Variants in COL2A1 observed in about 807,000 individuals in gnomAD.
COL2A1 encodes collagen type II alpha 1 chain.
Under a neutral mutation model 204.5 loss-of-function variants are expected in COL2A1, and 28 were observed. That is an observed-to-expected ratio of 0.14 (90% confidence interval 0.10 to 0.19). The LOEUF (loss-of-function observed/expected upper bound fraction) is 0.19, where lower values mean the gene tolerates loss of function less well. COL2A1 is among the 10% of genes least tolerant of loss of function. The pLI is 1.00. For missense variants in COL2A1, 1,388 were observed against 2,027.5 expected (o/e 0.68, Z 6.06); for synonymous variants, 708 against 718.7 (o/e 0.99, Z 0.24).
Position 47,977,580 on chromosome 12 carries a change from C to A in COL2A1, c.3165+20G>T, listed in dbSNP as rs901151450. 1.2e-6 allele frequency: 2 copies of A among 1,614,046 alleles called. No homozygotes were observed. The highest frequency in any genetic ancestry group is 1.7e-6 in the Non-Finnish European group (2 of 1,179,990). ...AATGTCCTCCCCAACCCACTGCACACACAGACACCAGACACTCACCTTGAC... is the reference window on the plus strand; with the variant it reads ...AATGTCCTCCCCAACCCACTGCACAAACAGACACCAGACACTCACCTTGAC... On this transcript the variant is annotated intron_variant, in intron 45 of 53. Transcript: ENST00000380518.
In COL2A1 at chr12:47,976,932, C is replaced by A. The variant is rs373278655; in HGVS notation, c.3328-13G>T. ...GGCCTTGAGGACCCTGGGAACAAGACAGACACCGATTGAGTCAGGTCAGGG... is the reference window on the plus strand; with the variant it reads ...GGCCTTGAGGACCCTGGGAACAAGAAAGACACCGATTGAGTCAGGTCAGGG... On this transcript the variant is annotated splice_polypyrimidine_tract_variant and intron_variant, in intron 47 of 53. Coordinates refer to ENST00000380518, the MANE Select transcript of COL2A1 (RefSeq NM_001844.5). This position sits in a 1 kb window ranked among gnomAD's most constrained non-coding sequence, Gnocchi z 4.3. The A allele has an allele frequency of 4.4e-6, 7 of 1,593,724 alleles. No homozygotes were observed. The highest frequency in any genetic ancestry group is 5.1e-6 in the Non-Finnish European group (6 of 1,168,444).
At position 47,994,017 on chromosome 12, in the gene COL2A1, G is replaced by A; in HGVS notation, c.847C>T (p.Leu283Phe). The change falls in exon 13 of 54, where the codon CTT (leucine) becomes TTT (phenylalanine). Residue 283 changes from leucine (L) to phenylalanine (F), a missense_variant. Coordinates refer to ENST00000380518, the MANE Select transcript of COL2A1 (RefSeq NM_001844.5). Reference sequence around the variant, plus strand: ...ACTCTGTGACCTTTGACACCAGGAAGGCCTGGGGTTCCTGGGAAACCACGA... The same window carrying A: ...ACTCTGTGACCTTTGACACCAGGAAAGCCTGGGGTTCCTGGGAAACCACGA... ...GARGFPGTPG[L>F]PGVKGHRGYP... 1.9e-6 allele frequency: 3 copies of A among 1,614,130 alleles called. No homozygotes were observed. Among genetic ancestry groups the A allele is most frequent in the Non-Finnish European group, 1.7e-6 (2 of 1,180,020 alleles).
At position 47,975,901 on chromosome 12, in the gene COL2A1, G is replaced by A. The variant is rs73297147; in HGVS notation, c.3597+62C>T. On this transcript the variant is annotated intron_variant, in intron 50 of 53. Transcript: ENST00000380518. Reference sequence around the variant, plus strand: ...CCTAAAAGAGGCCCTGAGCAAAAAAGAGCTCAAGCCTCCCGGATGGTAGGG... The same window carrying A: ...CCTAAAAGAGGCCCTGAGCAAAAAAAAGCTCAAGCCTCCCGGATGGTAGGG... The A allele has an allele frequency of 5.0e-3, 6,507 of 1,296,838 alleles. 272 individuals are homozygous for A. In the African/African-American group the frequency reaches 0.081, roughly 16 times the overall value. The allele number at this position is 1,296,838 out of a possible 1,614,324, so 80.3% of individuals were successfully genotyped here. A position where few individuals can be genotyped will look rare whatever the true frequency, so the allele number is the denominator to read the frequency against.
At position 47,978,606 on chromosome 12, in the gene COL2A1, G is replaced by T. The variant is rs150951022; in HGVS notation, c.2886C>A (p.Asp962Glu). The T allele has an allele frequency of 6.2e-7, 1 of 1,613,358 alleles. No individual in the cohort carries two copies. The highest frequency in any genetic ancestry group is 8.5e-7 in the Non-Finnish European group (1 of 1,179,950). The change falls in exon 42 of 54, where the codon GAC becomes GAA. Residue 962 changes from aspartate (D) to glutamate (E), a missense_variant. Around this residue, in one of 3 missense-constraint regions of COL2A1, gnomAD observed 884 missense variants for 1,415.8 expected, o/e 0.62. Transcript: ENST00000380518. This position sits in a 1 kb window ranked among gnomAD's most constrained non-coding sequence, Gnocchi z 5.5. ...CTGGTGAGGGACTTACAGAGGGACCGTCATCTCCAGGCTCTCCCTTCTCGC... is the reference window on the plus strand; with the variant it reads ...CTGGTGAGGGACTTACAGAGGGACCTTCATCTCCAGGCTCTCCCTTCTCGC... ...PPGEKGEPGD[D>E]GPSGAEGPPG...
chr12:47,982,688 G>A (rs1939163912), intron 33 of COL2A1, 79 bp from the exon 34 acceptor site: 1 of 1,314,676 alleles, frequency 7.6e-7, no homozygotes, highest in Non-Finnish European at 1.1e-6. Context: ...TGGGTAACCA[G>A]GGCCCCAAAC....
chr12:47,979,888 TG>T, intron 40 of COL2A1, 120 bp downstream of exon 40: 1 of 926,486 alleles, frequency 1.1e-6, no homozygotes, highest in Non-Finnish European at 1.6e-6. Flanking sequence ...GGGCTTAGGC[TG>T]GGGACCAACG....
At chr12:47,983,623 G>A (rs1193574631) in intron 30 of COL2A1, 60 bp downstream of exon 30, 24 of 1,539,918 alleles carry the variant, frequency 1.6e-5, no homozygotes, top group Non-Finnish European at 2.0e-5. Flanking sequence ...GCCTGCTGCT[G>A]TCCCAGGGAG....
chr12:47,973,128 G>C lies in COL2A1; in HGVS notation c.*279C>G, dbSNP rs572459859. 1 of 610,212 alleles carries C rather than the reference G, an allele frequency of 1.6e-6. No homozygotes were observed. Among genetic ancestry groups the C allele is most frequent in the East Asian group, 2.7e-5 (1 of 36,558 alleles). 37.8% of individuals were successfully genotyped at this position (610,212 alleles called of 1,614,324 possible). ...TGGGCTGGGGGCAGTCACTCAGGGG[G>C]CATTTGACTCACACCAGTTAGTTTC... On this transcript the variant is annotated 3_prime_UTR_variant, in exon 54 of 54. Coordinates refer to ENST00000380518, the MANE Select transcript of COL2A1 (RefSeq NM_001844.5).
chr12:48,002,766 C>T (rs1940292291), intron 1 of COL2A1: 1 of 152,280 alleles, frequency 6.6e-6, no homozygotes, highest in Non-Finnish European at 1.5e-5. Context: ...CACGTATAGT[C>T]ACGCTGTATT....
chr12:47,974,150 A>G lies in COL2A1; in HGVS notation c.4256T>C (p.Val1419Ala), dbSNP rs1308668773. ...KALLIQGSND[V>A]EIRAEGNSRF... is the part of the protein sequence containing the mutation. ...GCTATTGCCCTCTGCCCGGATCTCC[A>G]CGTCATTGGAGCCCTGGATGAGCAG... is the stretch of plus-strand genomic sequence containing the variant. Residue 1419 changes from valine to alanine, a missense_variant, in exon 53 of 54, where the codon GTG (valine) becomes GCG (alanine). Around this residue, in one of 3 missense-constraint regions of COL2A1, gnomAD observed 303 missense variants for 369.2 expected, o/e 0.82. Coordinates refer to ENST00000380518, the MANE Select transcript of COL2A1 (RefSeq NM_001844.5). The G allele has an allele frequency of 4.4e-5, 71 of 1,614,020 alleles. No individual in the cohort carries two copies. Among genetic ancestry groups the G allele is most frequent in the Non-Finnish European group, 5.8e-5 (69 of 1,180,020 alleles).
Position 47,973,127 on chromosome 12 carries a change from G to A in COL2A1, c.*280C>T. 1 of 609,910 alleles carries A rather than the reference G, an allele frequency of 1.6e-6. No individual in the cohort carries two copies. Among genetic ancestry groups the A allele is most frequent in the African/African-American group, 1.8e-5 (1 of 54,158 alleles). 37.8% of individuals were successfully genotyped at this position (609,910 alleles called of 1,614,324 possible). A position where few individuals can be genotyped will look rare whatever the true frequency, so the allele number is the denominator to read the frequency against. On this transcript the variant is annotated 3_prime_UTR_variant, in exon 54 of 54. Coordinates refer to ENST00000380518, the MANE Select transcript of COL2A1 (RefSeq NM_001844.5). ...CTGGGCTGGGGGCAGTCACTCAGGG[G>A]GCATTTGACTCACACCAGTTAGTTT...
rs774814030 is a variant in COL2A1, at chr12:47,989,836, G to A, written c.1024-31C>T. 7.5e-6 allele frequency: 12 copies of A among 1,609,002 alleles called. No homozygotes were observed. In the African/African-American group the frequency reaches 1.1e-4, roughly 14 times the overall value. On this transcript the variant is annotated intron_variant, in intron 16 of 53. Transcript: ENST00000380518. The stretch of plus-strand genomic sequence containing the variant: ...AGCAAGAAGGAAGTGACCATGAGAG[G>A]TGCCCACAGGCCCTGTCCGTCCCTG...
Position 47,995,317 on chromosome 12 carries a change from A to C in COL2A1, c.709-9T>G. On this transcript the variant is annotated splice_polypyrimidine_tract_variant and intron_variant, in intron 10 of 53. Coordinates refer to ENST00000380518, the MANE Select transcript of COL2A1 (RefSeq NM_001844.5). ...CGGGGACCCATGGGACCCTACAAAC[A>C]AAGGAAGATAGTTTAAGAGATGGTT... 6.2e-7 allele frequency: 1 copy of C among 1,612,050 alleles called. No individual in the cohort carries two copies. The highest frequency in any genetic ancestry group is 1.1e-5 in the South Asian group (1 of 91,030).
intron 51 of COL2A1, 31 bp downstream of exon 51, chr12:47,975,286 C>G (rs1308788038): frequency 6.2e-7 from 1 of 1,612,234 alleles, no homozygotes; most frequent in Non-Finnish European, 8.5e-7. Flanking sequence ...CCCTGCTTCC[C>G]GGGGCAGGGG....
rs886041843 is a variant in COL2A1 at position 47,996,613 on chromosome 12, G to A, written c.544C>T (p.Gln182Ter). ...TTTTCATCAAATCCTCCAGCCATCT[G>A]GGCAGCAAAGTTCTGCAAAGAAACC... ...PPGLGGNFAA[Q>*]MAGGFDEKAG... The change falls in exon 8 of 54, where the codon CAG (glutamine) becomes TAG (stop). Residue 182 changes from glutamine (Q) to a stop codon, truncating the protein, a stop_gained. Coordinates refer to ENST00000380518, the MANE Select transcript of COL2A1 (RefSeq NM_001844.5). LOFTEE classifies it high-confidence loss of function. 1 of 1,614,132 alleles carries A rather than the reference G, an allele frequency of 6.2e-7. No individual in the cohort carries two copies. Among genetic ancestry groups the A allele is most frequent in the Non-Finnish European group, 8.5e-7 (1 of 1,180,004 alleles).
chr12:47,972,976 A>G lies in COL2A1; in HGVS notation c.*431T>C, dbSNP rs900320618. 2 of 500,932 alleles carry G rather than the reference A, an allele frequency of 4.0e-6. No homozygotes were observed. Among genetic ancestry groups the G allele is most frequent in the Non-Finnish European group, 7.0e-6 (2 of 287,078 alleles). 31.0% of individuals were successfully genotyped at this position (500,932 alleles called of 1,614,324 possible). A position where few individuals can be genotyped will look rare whatever the true frequency, so the allele number is the denominator to read the frequency against. ...ACCACAAGTCAATATGTACTTTCCA[A>G]TAATCTTTTCATTTTTAATATCAAT... On this transcript the variant is annotated 3_prime_UTR_variant, in exon 54 of 54. Coordinates refer to ENST00000380518, the MANE Select transcript of COL2A1 (RefSeq NM_001844.5).
rs746493017 is a variant in COL2A1 at position 47,998,170 on chromosome 12, T to C, written c.341A>G (p.Asp114Gly). ...GQKGEPGDIK[D>G]IVGPKGPPGP... ...CGGGTGAGAATAATTTGCACTTACATCCTTGATGTCTCCAGGTTCTCCTTT... is the reference window on the plus strand; with the variant it reads ...CGGGTGAGAATAATTTGCACTTACACCCTTGATGTCTCCAGGTTCTCCTTT... The change falls in exon 4 of 54, where the codon GAT (aspartate) becomes GGT (glycine). Residue 114 changes from aspartate to glycine, a missense_variant and splice_region_variant. This residue lies in a region of COL2A1 where 201 missense variants were observed against 242.4 expected (regional missense o/e 0.83). Coordinates refer to ENST00000380518, the MANE Select transcript of COL2A1 (RefSeq NM_001844.5). 2.5e-6 allele frequency: 4 copies of C among 1,614,032 alleles called. No homozygotes were observed. The South Asian group carries it at 3.3e-5, about 13-fold the overall frequency.
intron 1 of COL2A1, among the ~76,000 whole-genome samples, chr12:48,003,734 T>G (rs567289909): frequency 2.2e-4 from 34 of 152,292 alleles, no homozygotes; most frequent in Non-Finnish European, 3.7e-4. Context: ...AACTCTGCTT[T>G]GAGCCCACCA....
intron 12 of COL2A1, 56 bp from the exon 13 acceptor site, chr12:47,994,103 G>C: frequency 1.9e-6 from 3 of 1,599,146 alleles, no homozygotes; most frequent in South Asian, 2.2e-5. Flanking sequence ...GTGGAAAGCT[G>C]CCCTGGGCTG....
Sources: allele counts gnomAD v4.1 joint callset (sites outside exome capture counted in the v4.1 genomes callset), GRCh38; gene constraint gnomAD v4.1.1; regional missense constraint gnomAD v4.1.1; non-coding constraint Gnocchi (gnomAD v3.1); transcripts MANE v1.5; gene names NCBI Gene and HGNC (gene_info 2026-07-23, HGNC 2026-07-21).